PDS5A: variants seen among roughly 807,000 people sequenced by gnomAD.
PDS5A encodes the protein sister chromatid cohesion protein PDS5 homolog A.
A neutral mutation model predicts 167.1 loss-of-function variants in PDS5A; 42 were observed. That is an observed-to-expected ratio of 0.25 (90% CI 0.20 to 0.33). The LOEUF (loss-of-function observed/expected upper bound fraction) is 0.33. PDS5A is among the 10% of genes least tolerant of loss of function. PDS5A has a pLI of 1.00. For synonymous variants in PDS5A, 553 were observed against 554.6 expected (o/e 1.00, Z 0.04); for missense variants, 1,033 against 1,605.9 (o/e 0.64, Z 6.10).
intron 4 of PDS5A, 27 bp from the exon 5 acceptor site, chr4:39,925,960 A>T: frequency 1.3e-6 from 1 of 794,474 alleles, no homozygotes; most frequent in Non-Finnish European, 1.9e-6. Flanking sequence ...TAATTATTGA[A>T]TTATACATAT....
At chr4:39,833,481 C>T (rs1716113303) in intron 32 of PDS5A, among the ~76,000 whole-genome samples, 1 of 152,098 alleles carries the variant, frequency 6.6e-6, no homozygotes, top group Admixed American at 6.6e-5. Context: ...CTCGACCTCC[C>T]AGGCTCAGGT....
intron 3 of PDS5A, among the ~76,000 whole-genome samples, chr4:39,927,646 T>G (rs1403326545): frequency 6.6e-6 from 1 of 152,198 alleles, no homozygotes; most frequent in Non-Finnish European, 1.5e-5. Flanking sequence ...TTTTAAAAAG[T>G]ATCATTAATC....
chr4:39,976,605 C>T lies in PDS5A; in HGVS notation c.-28G>A, dbSNP rs1386565518. ...TGGGGGACAACTTTTGGTTCACAGT[C>T]CTCTACCGGCCTCTATCGGTCAGAA... is the stretch of plus-strand genomic sequence containing the variant. On this transcript the variant is annotated 5_prime_UTR_variant, in exon 2 of 33. Transcript: ENST00000303538. The T allele has an allele frequency of 3.2e-6, 5 of 1,573,414 alleles. No individual in the cohort carries two copies. Among genetic ancestry groups the T allele is most frequent in the Non-Finnish European group, 3.5e-6 (4 of 1,152,382 alleles).
intron 16 of PDS5A, among the ~76,000 whole-genome samples, chr4:39,893,041 G>A (rs1348676958): frequency 6.6e-6 from 1 of 152,132 alleles, no homozygotes; most frequent in Non-Finnish European, 1.5e-5. Flanking sequence ...AAAATACTGA[G>A]TAACTTACTA....
chr4:39,930,810 T>C (rs747485796), intron 2 of PDS5A, among the ~76,000 whole-genome samples: 19 of 152,098 alleles, frequency 1.2e-4, no homozygotes, highest in Admixed American at 2.6e-4. Flanking sequence ...GAAGGAATCA[T>C]AACGGAAATG....
At chr4:39,939,502 A>T (rs1727018426) in intron 2 of PDS5A, among the ~76,000 whole-genome samples, 1 of 151,098 alleles carries the variant, frequency 6.6e-6, no homozygotes, top group South Asian at 2.1e-4. Context: ...TTTTTTAAAT[A>T]GCTTTACTGC....
chr4:39,944,669 G>A (rs961877104), intron 2 of PDS5A, among the ~76,000 whole-genome samples: 9 of 148,622 alleles, frequency 6.1e-5, no homozygotes, highest in Admixed American at 3.4e-4. Context: ...ACTCCAGCCC[G>A]GGCAACAACG....
intron 32 of PDS5A, 77 bp from the exon 33 acceptor site, chr4:39,825,565 C>A: frequency 9.6e-7 from 1 of 1,042,152 alleles, no homozygotes; most frequent in Non-Finnish European, 1.4e-6. Flanking sequence ...ATTTCATTTC[C>A]ATAGTTGTTA....
chr4:39,895,618 T>C lies in PDS5A; in HGVS notation c.1770+2771A>G, dbSNP rs1722337218. 3.9e-5 allele frequency among the ~76,000 whole-genome samples: 6 copies of C among 152,218 alleles called. No homozygotes were observed. The South Asian group carries it at 1.2e-3, about 31-fold the overall frequency. On this transcript the variant is annotated intron_variant, in intron 16 of 32. Coordinates refer to ENST00000303538, the MANE Select transcript of PDS5A (RefSeq NM_001100399.2). ...GTAGACTTTATAAACACTGTACACT[T>C]AGGCAGCACGATATTTAAACACTTT... is the stretch of plus-strand genomic sequence containing the variant.
chr4:39,871,029 G>A (rs2109568592), intron 21 of PDS5A, among the ~76,000 whole-genome samples: 1 of 152,256 alleles, frequency 6.6e-6, no homozygotes, highest in African/African-American at 2.4e-5. Flanking sequence ...ACATGGAAGA[G>A]CCCTGAGAAC....
intron 2 of PDS5A, among the ~76,000 whole-genome samples, chr4:39,937,784 C>T (rs1369613496): frequency 1.3e-5 from 2 of 152,194 alleles, no homozygotes; most frequent in Non-Finnish European, 2.9e-5. Flanking sequence ...ATTGGTAGAA[C>T]CACTTTGCTG....
chr4:39,852,081 A>T (rs1206208750), intron 26 of PDS5A, among the ~76,000 whole-genome samples: 1 of 152,204 alleles, frequency 6.6e-6, no homozygotes, highest in Non-Finnish European at 1.5e-5. Context: ...AAAAAGTATG[A>T]TTGTCTTGTG....
intron 32 of PDS5A, chr4:39,837,411 G>A (rs1375505046): frequency 1.3e-5 from 2 of 156,274 alleles, no homozygotes; most frequent in African/African-American, 4.8e-5. Context: ...GGGTGGGGAA[G>A]ATGTAAGTTG....
At chr4:39,853,571 C>T (rs1718293819) in intron 26 of PDS5A, among the ~76,000 whole-genome samples, 1 of 152,192 alleles carries the variant, frequency 6.6e-6, no homozygotes, top group Non-Finnish European at 1.5e-5. Context: ...TCCTCAACTA[C>T]TTAACAGCAG....
chr4:39,969,349 A>G (rs1247283087), intron 2 of PDS5A, among the ~76,000 whole-genome samples: 1 of 152,190 alleles, frequency 6.6e-6, no homozygotes, highest in African/African-American at 2.4e-5. Context: ...CTATGTTACC[A>G]TCTCTAAGAC....
chr4:39,839,568 C>T (rs1716758497), intron 31 of PDS5A, among the ~76,000 whole-genome samples: 1 of 151,934 alleles, frequency 6.6e-6, no homozygotes, highest in Non-Finnish European at 1.5e-5. Context: ...GACTCCATCT[C>T]AAAAAGTATC....
chr4:39,832,360 C>T (rs990456191), intron 32 of PDS5A, among the ~76,000 whole-genome samples: 39 of 151,560 alleles, frequency 2.6e-4, no homozygotes, highest in African/African-American at 9.0e-4. Flanking sequence ...AGTACAGATG[C>T]CTGCCACCAC....
At chr4:39,972,538 T>A (rs114015738) in intron 2 of PDS5A, among the ~76,000 whole-genome samples, 13,861 of 151,572 alleles carry the variant, frequency 0.091, 809 homozygotes, top group East Asian at 0.22. Flanking sequence ...AATAAATAAA[T>A]AAAAAATAAA....
At chr4:39,958,524 G>T in intron 2 of PDS5A, among the ~76,000 whole-genome samples, 1 of 145,778 alleles carries the variant, frequency 6.9e-6, no homozygotes. Context: ...AAAAAAAAAA[G>T]GTACGGGTAG....
Sources: gnomAD v4.1 joint callset for allele counts (sites outside exome capture counted in the v4.1 genomes callset) on GRCh38, gnomAD v4.1.1 for gene constraint, MANE v1.5 for transcripts, NCBI Gene and HGNC (gene_info 2026-07-23, HGNC 2026-07-21) for gene names.